The following PHKA2 variants were observed in gnomAD, a reference collection of about 807,000 sequenced individuals.
PHKA2 encodes the protein phosphorylase b kinase regulatory subunit alpha, liver isoform.
Under a neutral mutation model 102.0 loss-of-function variants are expected in PHKA2, and 31 were observed. The observed-to-expected ratio is 0.30, with a 90% CI of 0.23 to 0.41. The LOEUF (loss-of-function observed/expected upper bound fraction) is 0.41, where lower values mean the gene tolerates loss of function less well. Among genes scored for constraint, PHKA2 ranks in the 10% least tolerant of loss-of-function variants. The pLI, the probability that PHKA2 is intolerant of heterozygous loss-of-function variation, is 1.00. For synonymous variants in PHKA2, 455 were observed against 416.2 expected, an observed-to-expected ratio of 1.09 and a Z score of -1.13; for missense variants, 858 against 1,023.1, an observed-to-expected ratio of 0.84 and a Z score of 2.20.
chrX:18,960,203 C>T (rs1004207298), intron 1 of PHKA2, among the ~76,000 whole-genome samples: 3 of 111,849 alleles, frequency 2.7e-5, no homozygotes, highest in East Asian at 2.8e-4. Context: ...TTACAACAAA[C>T]GTTTGCTTCT....
intron 19 of PHKA2, among the ~76,000 whole-genome samples, chrX:18,918,366 G>T (rs1250660711): frequency 8.9e-6 from 1 of 112,478 alleles, no homozygotes; most frequent in African/African-American, 3.2e-5. Flanking sequence ...TAACCCCTTG[G>T]TGGGTTAGGG....
intron 1 of PHKA2, among the ~76,000 whole-genome samples, chrX:18,968,058 A>G (rs1371040657): frequency 4.5e-5 from 5 of 111,684 alleles, no homozygotes; most frequent in Non-Finnish European, 9.4e-5. Context: ...GCATGTCAAC[A>G]TAAGTAAAAT....
At chrX:18,969,108 T>C (rs942002748) in intron 1 of PHKA2, among the ~76,000 whole-genome samples, 67 of 107,356 alleles carry the variant, frequency 6.2e-4, no homozygotes, top group Non-Finnish European at 1.1e-3. Context: ...AGAGAAACTC[T>C]GTATATTTAA....
At chrX:18,923,921 T>TG (rs2048167021) in intron 17 of PHKA2, 135 bp downstream of exon 17, 1 of 540,493 alleles carries the variant, frequency 1.9e-6, no homozygotes. Context: ...ATTAGAGAAG[T>TG]GTTACCTTCC....
Position 18,893,470 on chromosome X carries a change from T to C in PHKA2, c.*15A>G, listed in dbSNP as rs1259355864. 8.3e-7 allele frequency: 1 copy of C among 1,207,432 alleles called. No homozygotes were observed. Among genetic ancestry groups the C allele is most frequent in the East Asian group, 3.0e-5 (1 of 33,819 alleles). The stretch of plus-strand genomic sequence containing the variant: ...GTGACAGATTGAGAGTGTGATCATG[T>C]TTCCAGGTGAGACCCTATTGCATCT... On this transcript the variant is annotated 3_prime_UTR_variant, in exon 33 of 33. Coordinates refer to ENST00000379942, the MANE Select transcript of PHKA2 (RefSeq NM_000292.3).
chrX:18,966,194 G>A (rs1008882646), intron 1 of PHKA2, among the ~76,000 whole-genome samples: 1 of 106,398 alleles, frequency 9.4e-6, no homozygotes, highest in Admixed American at 1.0e-4. Flanking sequence ...TTCAAGCAAT[G>A]CTCCTGCCTC....
chrX:18,900,633 C>T (rs1420254020), intron 28 of PHKA2, 37 bp downstream of exon 28: 3 of 1,173,320 alleles, frequency 2.6e-6, no homozygotes, highest in South Asian at 1.8e-5. Context: ...CCAGAAAGAA[C>T]AGGAAGTAAA....
At chrX:18,930,610 G>T (rs1444962199) in intron 12 of PHKA2, among the ~76,000 whole-genome samples, 1 of 111,365 alleles carries the variant, frequency 9.0e-6, no homozygotes, top group Non-Finnish European at 1.9e-5. Context: ...GAAGCCCAGA[G>T]ATTAGAGACC....
At chrX:18,894,172 T>G (rs1268392088) in intron 32 of PHKA2, 32 bp downstream of exon 32, 1 of 1,168,214 alleles carries the variant, frequency 8.6e-7, no homozygotes. Context: ...CAGAGATAAA[T>G]GCCAGCCAAC....
intron 6 of PHKA2, 123 bp downstream of exon 6, chrX:18,944,955 C>T: frequency 3.6e-6 from 2 of 560,578 alleles, no homozygotes; most frequent in Non-Finnish European, 6.4e-6. Flanking sequence ...ACTTGAATTT[C>T]ACATCCTTGA....
chrX:18,924,039 A>G lies in PHKA2; in HGVS notation c.1793+17T>C, dbSNP rs1281044687. ...GTCAGTGCTACTCTTATATTTTTTA[A>G]AAAAATCACAAATTACCTGGCTCCT... On this transcript the variant is annotated intron_variant, in intron 17 of 32. Transcript: ENST00000379942. The G allele has an allele frequency of 1.4e-5, 16 of 1,136,764 alleles. No homozygotes were observed. Among genetic ancestry groups the G allele is most frequent in the African/African-American group, 1.8e-5 (1 of 55,910 alleles). 93.7% of individuals were successfully genotyped at this position (1,136,764 alleles called of 1,213,427 possible). A position where few individuals can be genotyped will look rare whatever the true frequency, so the allele number is the denominator to read the frequency against.
chrX:18,973,476 TG>T (rs1317958687), intron 1 of PHKA2, among the ~76,000 whole-genome samples: 10 of 112,065 alleles, frequency 8.9e-5, no homozygotes, highest in African/African-American at 1.6e-4. Flanking sequence ...CTGATCATGA[TG>T]TTTTTTATAT....
At position 18,940,066 on chromosome X, in the gene PHKA2, A is replaced by G; in HGVS notation, c.865-18T>C. The G allele has an allele frequency of 3.5e-6, 4 of 1,157,533 alleles. No homozygotes were observed. The highest frequency in any genetic ancestry group is 4.7e-6 in the Non-Finnish European group (4 of 846,108). Reference sequence around the variant, plus strand: ...TAACGCCCCTAATAAGAGAAAGTACATTCGATGAGCTCAGAGAAATTTTTT... The same window carrying G: ...TAACGCCCCTAATAAGAGAAAGTACGTTCGATGAGCTCAGAGAAATTTTTT... On this transcript the variant is annotated intron_variant, in intron 8 of 32. Transcript: ENST00000379942.
chrX:18,899,889 T>A (rs141150545), intron 28 of PHKA2, among the ~76,000 whole-genome samples: 135 of 111,772 alleles, frequency 1.2e-3, no homozygotes, highest in Non-Finnish European at 2.2e-3. Flanking sequence ...GCTAGGTGAC[T>A]CTAAGCCCAG....
chrX:18,906,854 T>C (rs1414377613), intron 23 of PHKA2, 40 bp from the exon 24 acceptor site: 1 of 1,112,629 alleles, frequency 9.0e-7, no homozygotes, highest in South Asian at 1.8e-5. Flanking sequence ...ATGAGGTGTC[T>C]TGAGACAGTG....
intron 1 of PHKA2, among the ~76,000 whole-genome samples, chrX:18,957,149 C>T (rs1177688446): frequency 1.8e-5 from 2 of 112,641 alleles, no homozygotes; most frequent in Non-Finnish European, 3.7e-5. Context: ...GGTGATTTTC[C>T]GGCCTTGGCC....
At chrX:18,906,451 G>T in intron 25 of PHKA2, 44 bp downstream of exon 25, 1 of 1,207,558 alleles carries the variant, frequency 8.3e-7, no homozygotes. Flanking sequence ...CCGGGTGGTT[G>T]GGGTGGGGTG....
At chrX:18,921,623 G>T (rs933649632) in intron 17 of PHKA2, among the ~76,000 whole-genome samples, 6 of 111,812 alleles carry the variant, frequency 5.4e-5, no homozygotes, top group Admixed American at 2.8e-4. Flanking sequence ...ATCATGAACT[G>T]AGCAGAAGTA....
At chrX:18,955,509 C>A (rs934410615) in intron 1 of PHKA2, among the ~76,000 whole-genome samples, 26 of 110,133 alleles carry the variant, frequency 2.4e-4, no homozygotes, top group Non-Finnish European at 4.5e-4. Context: ...GTAAATAAAG[C>A]TATTAATTTT....
Sources: gnomAD v4.1 joint callset for allele counts (sites outside exome capture counted in the v4.1 genomes callset) on GRCh38, gnomAD v4.1.1 for gene constraint, MANE v1.5 for transcripts, NCBI Gene and HGNC (gene_info 2026-07-23, HGNC 2026-07-21) for gene names.